Variants in TUSC3 observed in about 807,000 individuals in gnomAD.
TUSC3 encodes tumor suppressor candidate 3.
In TUSC3, 45 loss-of-function variants were observed where a neutral mutation model predicts 44.8. That is an observed-to-expected ratio of 1.00 (90% CI 0.79 to 1.29). The LOEUF is 1.29. TUSC3 is among the 50% of genes most tolerant of loss of function. The pLI is 0.00. For missense variants in TUSC3, 519 were observed against 437.9 expected (o/e 1.19, Z -1.65); for synonymous variants, 212 against 152.9 (o/e 1.39, Z -2.85).
chr8:15,430,615 G>A (rs1278958808), intron 1 of TUSC3, among the ~76,000 whole-genome samples: 3 of 151,586 alleles, frequency 2.0e-5, no homozygotes, highest in African/African-American at 4.9e-5. Flanking sequence ...CATAGTGTTG[G>A]AAGTTCTGGC....
At chr8:15,684,323 T>C (rs1447965488) in intron 6 of TUSC3, among the ~76,000 whole-genome samples, 3 of 151,924 alleles carry the variant, frequency 2.0e-5, no homozygotes, top group Admixed American at 2.0e-4. Flanking sequence ...TCAGAGTGAG[T>C]TGTGGAGTGT....
intron 1 of TUSC3, among the ~76,000 whole-genome samples, chr8:15,595,093 G>C (rs1804008775): frequency 6.6e-6 from 1 of 152,122 alleles, no homozygotes; most frequent in Non-Finnish European, 1.5e-5. Flanking sequence ...CCCTTTCTCA[G>C]AATATTGCAT....
intron 6 of TUSC3, among the ~76,000 whole-genome samples, chr8:15,724,771 G>T (rs1259933688): frequency 6.6e-6 from 1 of 152,110 alleles, no homozygotes; most frequent in Non-Finnish European, 1.5e-5. Context: ...TTCAAGGAGG[G>T]TGAAAGAAAA....
intron 2 of TUSC3, among the ~76,000 whole-genome samples, chr8:15,627,913 A>G (rs1805588695): frequency 6.6e-6 from 1 of 152,206 alleles, no homozygotes; most frequent in Non-Finnish European, 1.5e-5. Flanking sequence ...TGAGTGGACA[A>G]AACGAATCCA....
chr8:15,634,981 C>G (rs935788269), intron 2 of TUSC3, among the ~76,000 whole-genome samples: 2 of 152,120 alleles, frequency 1.3e-5, no homozygotes, highest in African/African-American at 4.8e-5. Context: ...GGTCATTATC[C>G]TTATTAACTA....
rs561816149 is a variant in TUSC3, at chr8:15,732,720, T to A, written c.862+1991T>A. Reference sequence around the variant, plus strand: ...AAAGGCATTGTTTTTCAAGCTTTAATGAAAACGAAGGAATGAAGTTGAGAA... The same window carrying A: ...AAAGGCATTGTTTTTCAAGCTTTAAAGAAAACGAAGGAATGAAGTTGAGAA... On this transcript the variant is annotated intron_variant, in intron 7 of 10. Coordinates refer to ENST00000503731, the MANE Select transcript of TUSC3 (RefSeq NM_006765.4). Among the ~76,000 whole-genome samples the A allele has an allele frequency of 6.8e-4, 104 of 152,312 alleles. 1 individual carries two copies. In the South Asian group the frequency reaches 0.022, roughly 32 times the overall value.
chr8:15,816,406 T>G, the TUSC3 span, among the ~76,000 whole-genome samples: 428 of 152,204 alleles, frequency 2.8e-3, 10 homozygotes, highest in East Asian at 0.076. Context: ...AATTCCCAAT[T>G]TAGGCCATTT....
intron 1 of TUSC3, among the ~76,000 whole-genome samples, chr8:15,419,520 G>A (rs933589576): frequency 1.3e-5 from 2 of 152,030 alleles, no homozygotes; most frequent in African/African-American, 4.8e-5. Context: ...ATTTGATGTG[G>A]CAAGTTTAAG....
Position 15,503,255 on chromosome 8 carries a change from C to T in TUSC3, n.189+19772C>T, listed in dbSNP as rs112129356. On this transcript the variant is annotated intron_variant and non_coding_transcript_variant, in intron 2 of 5. Coordinates refer to the TUSC3 transcript ENST00000503191. ...TGGGAAGACACAAGGACAATATGGC[C>T]ATCTACAAGCCAAGGAGAGAGGCCT... Among the ~76,000 whole-genome samples the T allele has an allele frequency of 1.7e-4, 26 of 152,200 alleles. 1 individual carries two copies. Among genetic ancestry groups the T allele is most frequent in the African/African-American group, 5.5e-4 (23 of 41,540 alleles).
At position 15,597,269 on chromosome 8, in the gene TUSC3, C is replaced by A. The variant is rs541926710; in HGVS notation, c.139-25811C>A. On this transcript the variant is annotated intron_variant, in intron 1 of 10. Transcript: ENST00000503731. ...GGATCTGTCTACACTGATTTTGAAG[C>A]CTGTGGCCCTTAGATCTTAAGAGAT... 3.3e-5 allele frequency among the ~76,000 whole-genome samples: 5 copies of A among 152,056 alleles called. No individual in the cohort carries two copies. The East Asian group carries it at 9.7e-4, about 30-fold the overall frequency.
intron 1 of TUSC3, among the ~76,000 whole-genome samples, chr8:15,609,324 A>G (rs1804663214): frequency 6.6e-6 from 1 of 152,200 alleles, no homozygotes; most frequent in African/African-American, 2.4e-5. Context: ...TATTACTACA[A>G]TAGAGTACCT....
the TUSC3 span, among the ~76,000 whole-genome samples, chr8:15,805,543 T>C: frequency 6.6e-6 from 1 of 152,140 alleles, no homozygotes; most frequent in Non-Finnish European, 1.5e-5. Context: ...TATGAAAGGA[T>C]GTTGGATTTT....
At chr8:15,688,320 T>G (rs1808729519) in intron 6 of TUSC3, among the ~76,000 whole-genome samples, 1 of 152,200 alleles carries the variant, frequency 6.6e-6, no homozygotes, top group Non-Finnish European at 1.5e-5. Context: ...TCAATGCATG[T>G]TTATCAAGCA....
In TUSC3 at chr8:15,543,520, A is replaced by G. The variant is rs548126080; in HGVS notation, c.138+2952A>G. On this transcript the variant is annotated intron_variant, in intron 1 of 10. Transcript: ENST00000503731. ...TGCATTTTAGTTTGCTTGCTTTAAAATATAAATATAATACCCATATCTCAG... is the reference window on the plus strand; with the variant it reads ...TGCATTTTAGTTTGCTTGCTTTAAAGTATAAATATAATACCCATATCTCAG... Among the ~76,000 whole-genome samples, 22 of 152,194 alleles carry G rather than the reference A, an allele frequency of 1.4e-4. 1 individual carries two copies. The highest frequency in any genetic ancestry group is 3.5e-3 in the Middle Eastern group (1 of 288).
At chr8:15,841,820 T>G in the TUSC3 span, among the ~76,000 whole-genome samples, 1 of 152,220 alleles carries the variant, frequency 6.6e-6, no homozygotes, top group Non-Finnish European at 1.5e-5. Context: ...GGCCTAAAAA[T>G]GTTATTTGTT....
At chr8:15,493,521 C>T (rs987281471) in intron 2 of TUSC3, among the ~76,000 whole-genome samples, 1 of 152,138 alleles carries the variant, frequency 6.6e-6, no homozygotes, top group East Asian at 1.9e-4. Context: ...TCCCTGCCTC[C>T]CAAAGTGCTG....
chr8:15,756,226 G>C (rs1372994469), intron 9 of TUSC3, among the ~76,000 whole-genome samples: 1 of 152,114 alleles, frequency 6.6e-6, no homozygotes, highest in Non-Finnish European at 1.5e-5. Context: ...CTTAAAGTTA[G>C]TTACTTAACT....
At chr8:15,679,048 A>G (rs1318446543) in intron 6 of TUSC3, among the ~76,000 whole-genome samples, 6 of 152,164 alleles carry the variant, frequency 3.9e-5, no homozygotes, top group Non-Finnish European at 8.8e-5. Context: ...GCTATTGTGA[A>G]TAACGCTACA....
intron 1 of TUSC3, among the ~76,000 whole-genome samples, chr8:15,434,530 C>CTTTTTTTTTTTTT (rs59579003): frequency 5.2e-5 from 7 of 135,676 alleles, no homozygotes; most frequent in African/African-American, 8.2e-5. Flanking sequence ...AAAGCCATTC[C>CTTTTTTTTTTTTT]TTTTTTTTTT....
Sources: allele counts gnomAD v4.1 joint callset (sites outside exome capture counted in the v4.1 genomes callset), GRCh38; gene constraint gnomAD v4.1.1; transcripts MANE v1.5; gene names NCBI Gene and HGNC (gene_info 2026-07-23, HGNC 2026-07-21).